TWIST2: variants seen among roughly 807,000 people sequenced by gnomAD.
The protein encoded by TWIST2 is twist family bHLH transcription factor 2.
Under a neutral mutation model 11.6 loss-of-function variants are expected in TWIST2, and 1 was observed. The ratio of observed to expected loss-of-function variants is 0.09; its 90% CI spans 0.03 to 0.41. TWIST2 has a LOEUF of 0.41. TWIST2 is among the 10% of genes least tolerant of loss of function. The pLI is 0.98. For missense variants in TWIST2, 168 were observed against 226.4 expected (o/e 0.74, Z 1.66); for synonymous variants, 87 against 96.6 (o/e 0.90, Z 0.58).
At chr2:238,905,928 TGTGCGCGTGTGTGTGCGCGCGC>T (rs1693342142) in intron 1 of TWIST2, among the ~76,000 whole-genome samples, 3 of 105,002 alleles carry the variant, frequency 2.9e-5, no homozygotes, top group African/African-American at 4.8e-5. Context: ...CAGGTGTGCG[TGTGCGCGTGTGTGTGCGCGCGC>T]GTGTGTACGT....
At chr2:238,885,896 C>G (rs142865876) in intron 1 of TWIST2, among the ~76,000 whole-genome samples, 2 of 151,968 alleles carry the variant, frequency 1.3e-5, no homozygotes, top group Non-Finnish European at 2.9e-5. Flanking sequence ...AGAGGCTGTA[C>G]TGAGGCCTAG....
At chr2:238,893,524 C>A (rs1029544176) in intron 1 of TWIST2, among the ~76,000 whole-genome samples, 1 of 152,174 alleles carries the variant, frequency 6.6e-6, no homozygotes, top group South Asian at 2.1e-4. Context: ...AAACAGGCCC[C>A]GGAGCCTGGA....
In TWIST2 at chr2:238,866,874, G is replaced by A. The variant is rs138138324; in HGVS notation, c.*35+18141G>A. On this transcript the variant is annotated intron_variant, in intron 1 of 1. Transcript: ENST00000612363. The surrounding 1 kb of genome is among the most constrained non-coding windows in gnomAD (Gnocchi z 4.9). ...GGTTTGTCTGCCTGTCACCCCGGGA[G>A]CACCTTCAGGACTGTGTCCTTGTCA... Among the ~76,000 whole-genome samples, 2,630 of 152,220 alleles carry A rather than the reference G, an allele frequency of 0.017. 98 individuals carry two copies. The highest frequency in any genetic ancestry group is 0.13 in the East Asian group (682 of 5,148).
chr2:238,901,007 T>TA (rs1198569238), intron 1 of TWIST2, among the ~76,000 whole-genome samples: 5 of 147,038 alleles, frequency 3.4e-5, no homozygotes, highest in Non-Finnish European at 6.0e-5. Context: ...TTTTTCTGAG[T>TA]CTCACTCCAT....
At chr2:238,860,852 C>T (rs1285575713) in intron 1 of TWIST2, among the ~76,000 whole-genome samples, 4 of 152,160 alleles carry the variant, frequency 2.6e-5, no homozygotes, top group South Asian at 2.1e-4. Flanking sequence ...GCAGGAGAAT[C>T]GCTTGAACCT....
At chr2:238,884,765 C>G (rs566687910) in intron 1 of TWIST2, among the ~76,000 whole-genome samples, 1 of 152,202 alleles carries the variant, frequency 6.6e-6, no homozygotes, top group African/African-American at 2.4e-5. Context: ...GCAGGCCTCC[C>G]GCAGGTCAGG....
In TWIST2 at chr2:238,871,882, G is replaced by A. The variant is rs148357584; in HGVS notation, c.*35+23149G>A. Among the ~76,000 whole-genome samples, 24 of 152,222 alleles carry A rather than the reference G, an allele frequency of 1.6e-4. No homozygotes were observed. The East Asian group carries it at 2.9e-3, about 18-fold the overall frequency. ...GACGGAAGGCAGAACGATGGCTGCCGGGGGCCGAGGGGAGGAGTGGGAAGT... is the reference window on the plus strand; with the variant it reads ...GACGGAAGGCAGAACGATGGCTGCCAGGGGCCGAGGGGAGGAGTGGGAAGT... On this transcript the variant is annotated intron_variant, in intron 1 of 1. Transcript: ENST00000612363.
At chr2:238,879,338 C>T (rs1692864559) in intron 1 of TWIST2, among the ~76,000 whole-genome samples, 1 of 152,130 alleles carries the variant, frequency 6.6e-6, no homozygotes, top group African/African-American at 2.4e-5. Flanking sequence ...CCCTGTCAGC[C>T]CACGACTGTT....
chr2:238,894,538 C>T (rs1693184924), intron 1 of TWIST2, among the ~76,000 whole-genome samples: 1 of 152,244 alleles, frequency 6.6e-6, no homozygotes, highest in South Asian at 2.1e-4. Flanking sequence ...GGTCTGTCCC[C>T]TGCCAGCCAG....
intron 1 of TWIST2, among the ~76,000 whole-genome samples, chr2:238,898,793 G>T (rs1002264122): frequency 7.9e-5 from 12 of 152,236 alleles, no homozygotes; most frequent in Non-Finnish European, 1.5e-4. Context: ...TGGAGGGGAG[G>T]CCCCGGGAGA....
At chr2:238,855,303 CCT>C (rs1692311075) in intron 1 of TWIST2, among the ~76,000 whole-genome samples, 1 of 151,594 alleles carries the variant, frequency 6.6e-6, no homozygotes, top group Non-Finnish European at 1.5e-5. Context: ...AAGGCATACT[CCT>C]CTTTCTCAAA....
intron 1 of TWIST2, among the ~76,000 whole-genome samples, chr2:238,870,916 A>C (rs1574755200): frequency 2.2e-5 from 1 of 46,200 alleles, no homozygotes; most frequent in Non-Finnish European, 4.3e-5. Flanking sequence ...CACACACCAC[A>C]CACACACCAC....
chr2:238,858,735 C>T (rs1372665657), intron 1 of TWIST2, among the ~76,000 whole-genome samples: 1 of 152,194 alleles, frequency 6.6e-6, no homozygotes, highest in Admixed American at 6.5e-5. Context: ...TATAACCCTG[C>T]AATTCCACTG....
intron 1 of TWIST2, among the ~76,000 whole-genome samples, chr2:238,878,985 G>A (rs1037381727): frequency 6.6e-6 from 1 of 152,208 alleles, no homozygotes; most frequent in African/African-American, 2.4e-5. Context: ...AAACACCCAA[G>A]GATGAAAAGT....
intron 1 of TWIST2, among the ~76,000 whole-genome samples, chr2:238,851,124 TG>T (rs1319875017): frequency 1.3e-5 from 2 of 152,222 alleles, no homozygotes; most frequent in African/African-American, 2.4e-5. Flanking sequence ...TTCAGTACAT[TG>T]TAAGTGATTT....
At chr2:238,909,360 G>A (rs891334408) in intron 1 of TWIST2, among the ~76,000 whole-genome samples, 9 of 152,080 alleles carry the variant, frequency 5.9e-5, no homozygotes, top group African/African-American at 2.2e-4. Flanking sequence ...GACAGCTCCC[G>A]CCAGCGGCTG....
chr2:238,870,596 C>A (rs1399606138), intron 1 of TWIST2, among the ~76,000 whole-genome samples: 7 of 62,732 alleles, frequency 1.1e-4, no homozygotes, highest in African/African-American at 3.4e-4. Flanking sequence ...CACCACACAC[C>A]CCACACACAC....
chr2:238,908,093 CCACA>C (rs1323816509), intron 1 of TWIST2, among the ~76,000 whole-genome samples: 16 of 149,210 alleles, frequency 1.1e-4, no homozygotes, highest in Non-Finnish European at 1.6e-4. Context: ...TACAAACATA[CCACA>C]CACACAGACA....
rs927045443 is a variant in TWIST2 at position 238,905,217 on chromosome 2, C to G, written c.*36-4625C>G. On this transcript the variant is annotated intron_variant, in intron 1 of 1. Coordinates refer to ENST00000612363, the MANE Select transcript of TWIST2 (RefSeq NM_001271893.4). The stretch of plus-strand genomic sequence containing the variant: ...GGGGCCTCACCTGCTCATTAGGGCC[C>G]CGGTCTGGTGTGGAAGACACAACTG... Among the ~76,000 whole-genome samples the G allele has an allele frequency of 2.4e-3, 369 of 152,238 alleles. 3 individuals carry two copies. Among genetic ancestry groups the G allele is most frequent in the Non-Finnish European group, 4.2e-3 (286 of 68,012 alleles).
Sources: allele counts gnomAD v4.1 joint callset (sites outside exome capture counted in the v4.1 genomes callset), GRCh38; gene constraint gnomAD v4.1.1; non-coding constraint Gnocchi (gnomAD v3.1); transcripts MANE v1.5; gene names NCBI Gene and HGNC (gene_info 2026-07-23, HGNC 2026-07-21).